LRRC49: variants seen among roughly 807,000 people sequenced by gnomAD.
The protein encoded by LRRC49 is leucine rich repeat containing 49.
A neutral mutation model predicts 83.3 loss-of-function variants in LRRC49; 50 were observed. That is an observed-to-expected ratio of 0.60 (90% CI 0.48 to 0.76). The LOEUF is 0.76. Among genes scored for constraint, LRRC49 ranks in the 30% least tolerant of loss-of-function variants. The probability of loss-of-function intolerance (pLI) is 0.00; values close to 1 mark genes in which losing one functional copy is unlikely to be tolerated. For synonymous variants in LRRC49, 286 were observed against 283.3 expected, an observed-to-expected ratio of 1.01 and a Z score of -0.10; for missense variants, 704 against 809.1, an observed-to-expected ratio of 0.87 and a Z score of 1.58.
At chr15:70,893,083 C>T (rs1436499018) in intron 1 of LRRC49, 141 bp downstream of exon 1, 1 of 941,410 alleles carries the variant, frequency 1.1e-6, no homozygotes, top group Non-Finnish European at 1.7e-6. Context: ...GTTTGAGGTT[C>T]GTGGGCTGGA....
intron 11 of LRRC49, among the ~76,000 whole-genome samples, chr15:70,992,342 T>G (rs2037912833): frequency 6.6e-6 from 1 of 152,246 alleles, no homozygotes; most frequent in South Asian, 2.1e-4. Context: ...TTTGTTCCGT[T>G]GCTGGCGAGG....
Position 71,049,593 on chromosome 15 carries a change from A to C in LRRC49, c.2042A>C (p.Gln681Pro), listed in dbSNP as rs758317688. 1.0e-5 allele frequency: 16 copies of C among 1,602,280 alleles called. No individual in the cohort carries two copies. The highest frequency in any genetic ancestry group is 1.4e-5 in the Non-Finnish European group (16 of 1,177,124). Residue 681 changes from glutamine to proline, a missense_variant, in exon 16 of 16, where the codon CAG becomes CCG. Around this residue, in one of 3 missense-constraint regions of LRRC49, gnomAD observed 275 missense variants for 338.0 expected, o/e 0.81. Transcript: ENST00000260382. Reference protein sequence around the residue: ...KNSYMKLCLQQITDQK With the variant: ...KNSYMKLCLQPITDQK Reference sequence around the variant, plus strand: ...TCCTATATGAAGCTCTGCCTACAGCAGATAACAGACCAAAAATAAAAATGG... The same window carrying C: ...TCCTATATGAAGCTCTGCCTACAGCCGATAACAGACCAAAAATAAAAATGG...
At chr15:70,961,971 T>G (rs1490935330) in intron 8 of LRRC49, among the ~76,000 whole-genome samples, 1 of 152,182 alleles carries the variant, frequency 6.6e-6, no homozygotes, top group African/African-American at 2.4e-5. Flanking sequence ...TAAAAATGTA[T>G]GAAACAACCT....
intron 11 of LRRC49, among the ~76,000 whole-genome samples, chr15:70,996,370 C>A (rs974248760): frequency 3.9e-5 from 6 of 152,098 alleles, no homozygotes; most frequent in Non-Finnish European, 5.9e-5. Context: ...AAACAAGGAA[C>A]TCTTAACCAG....
chr15:70,882,950 T>C (rs749887897), intron 2 of LRRC49: 2 of 1,595,452 alleles, frequency 1.3e-6, no homozygotes, highest in African/African-American at 2.7e-5. Context: ...AAAGTGTACC[T>C]TATAGGATTT....
chr15:71,010,815 A>C (rs999955291), intron 13 of LRRC49, among the ~76,000 whole-genome samples: 1 of 152,094 alleles, frequency 6.6e-6, no homozygotes, highest in Non-Finnish European at 1.5e-5. Flanking sequence ...AGAGGAAAAA[A>C]AAAACATCTT....
At chr15:70,894,052 G>A (rs577359518) in intron 2 of LRRC49, among the ~76,000 whole-genome samples, 5 of 152,006 alleles carry the variant, frequency 3.3e-5, no homozygotes, top group Non-Finnish European at 5.9e-5. Flanking sequence ...ATGCCACCAC[G>A]CCCGGCTAAT....
chr15:70,954,896 G>C (rs572804519), intron 8 of LRRC49, among the ~76,000 whole-genome samples: 13 of 152,154 alleles, frequency 8.5e-5, no homozygotes, highest in African/African-American at 3.1e-4. Flanking sequence ...ATATGCTCCA[G>C]TGGGCAGGGC....
Position 70,893,628 on chromosome 15 carries a change from T to A in LRRC49, c.93T>A (p.Pro31=). The change falls in exon 2 of 16, where the codon CCT becomes CCA. Residue 31 remains proline, a synonymous_variant. Transcript: ENST00000260382. ...TGGTTATTCAAACATCATCGCTTCC[T>A]GAAAAAAACAAAGTAAGATTTAAGA... ...LHLVIQTSSL[P]EKNKVEFKLN... is the part of the protein sequence containing the mutation. 6.2e-7 allele frequency: 1 copy of A among 1,609,956 alleles called. No homozygotes were observed. Among genetic ancestry groups the A allele is most frequent in the Non-Finnish European group, 8.5e-7 (1 of 1,177,912 alleles).
intron 1 of LRRC49, chr15:70,853,803 G>T: frequency 9.8e-7 from 1 of 1,016,172 alleles, no homozygotes; most frequent in Non-Finnish European, 1.3e-6. Context: ...TGCCCGAGGA[G>T]TTGTCGCGCG....
At chr15:71,042,853 T>G (rs1179987328) in intron 15 of LRRC49, among the ~76,000 whole-genome samples, 1 of 152,192 alleles carries the variant, frequency 6.6e-6, no homozygotes, top group Non-Finnish European at 1.5e-5. Context: ...AACTGGAAAC[T>G]CAGATGAGTT....
chr15:70,980,708 A>G (rs1027253462), intron 10 of LRRC49, among the ~76,000 whole-genome samples: 2 of 152,086 alleles, frequency 1.3e-5, no homozygotes, highest in African/African-American at 4.8e-5. Context: ...ATTTCCTTAA[A>G]TAAAATATTC....
chr15:70,903,731 A>G (rs2034181649), intron 4 of LRRC49, among the ~76,000 whole-genome samples: 2 of 152,218 alleles, frequency 1.3e-5, no homozygotes, highest in East Asian at 1.9e-4. Context: ...AACCTCTCAG[A>G]GTAGAATCAC....
chr15:70,897,333 G>A (rs2033879096), intron 3 of LRRC49, among the ~76,000 whole-genome samples: 1 of 152,064 alleles, frequency 6.6e-6, no homozygotes, highest in Non-Finnish European at 1.5e-5. Flanking sequence ...CATTCAGTAT[G>A]AATTAACTCT....
At chr15:70,866,441 G>A (rs1021905207) in intron 1 of LRRC49, among the ~76,000 whole-genome samples, 4 of 152,094 alleles carry the variant, frequency 2.6e-5, no homozygotes, top group South Asian at 2.1e-4. Flanking sequence ...GACCACGTCC[G>A]GCCACTAAGA....
chr15:70,925,226 T>G (rs147273339), intron 7 of LRRC49, among the ~76,000 whole-genome samples: 124 of 152,232 alleles, frequency 8.1e-4, no homozygotes, highest in African/African-American at 3.0e-3. Flanking sequence ...GTTTTGAGTT[T>G]AATCACTGTT....
At chr15:71,002,319 G>T (rs2038287886) in intron 11 of LRRC49, among the ~76,000 whole-genome samples, 1 of 152,010 alleles carries the variant, frequency 6.6e-6, no homozygotes, top group East Asian at 1.9e-4. Flanking sequence ...TTATGGGGGG[G>T]GCGTGTAACT....
intron 5 of LRRC49, among the ~76,000 whole-genome samples, chr15:70,909,325 T>C (rs2034450907): frequency 6.6e-6 from 1 of 152,114 alleles, no homozygotes; most frequent in Admixed American, 6.5e-5. Flanking sequence ...ATAGTCAGTG[T>C]TTTTACAAGC....
rs1713572 is a variant in LRRC49 at position 71,052,962 on chromosome 15, G to A, written c.*3350G>A. ...ACTGTGTCTACATGTGAAGCATATC[G>A]TAGACATTATGTGCGGTATAAATAC... On this transcript the variant is annotated 3_prime_UTR_variant, in exon 16 of 16. Transcript: ENST00000260382. The A allele has an allele frequency of 0.77, 117,289 of 152,186 alleles. 46,614 individuals are homozygous for A. The highest frequency in any genetic ancestry group is 0.86 in the East Asian group (4,442 of 5,172). 9.4% of individuals were successfully genotyped at this position (152,186 alleles called of 1,614,324 possible).
Sources: gnomAD v4.1 joint callset for allele counts (sites outside exome capture counted in the v4.1 genomes callset) on GRCh38, gnomAD v4.1.1 for gene constraint, gnomAD v4.1.1 regional missense constraint, MANE v1.5 for transcripts, NCBI Gene and HGNC (gene_info 2026-07-23, HGNC 2026-07-21) for gene names.